Variants in TRPC4AP observed in about 807,000 individuals in gnomAD.
The protein encoded by TRPC4AP is short transient receptor potential channel 4-associated protein.
A neutral mutation model predicts 99.0 loss-of-function variants in TRPC4AP; 45 were observed. That is an observed-to-expected ratio of 0.45 (90% CI 0.36 to 0.58). The LOEUF (loss-of-function observed/expected upper bound fraction) is 0.58, where lower values mean the gene tolerates loss of function less well. TRPC4AP is among the 20% of genes least tolerant of loss of function. TRPC4AP has a pLI of 0.00. For synonymous variants in TRPC4AP, 408 were observed against 385.8 expected, an observed-to-expected ratio of 1.06 and a Z score of -0.67; for missense variants, 879 against 985.3, an observed-to-expected ratio of 0.89 and a Z score of 1.44.
intron 6 of TRPC4AP, among the ~76,000 whole-genome samples, chr20:35,046,853 T>C (rs2147367044): frequency 6.6e-6 from 1 of 152,208 alleles, no homozygotes; most frequent in Admixed American, 6.5e-5. Context: ...TTATGGTTTT[T>C]TGTTTTGTCT....
chr20:35,049,468 C>T (rs934139900), intron 6 of TRPC4AP, among the ~76,000 whole-genome samples: 6 of 112,604 alleles, frequency 5.3e-5, no homozygotes, highest in Non-Finnish European at 5.6e-5. Flanking sequence ...ATGAAGGCTT[C>T]ACACCAGTTC....
intron 3 of TRPC4AP, among the ~76,000 whole-genome samples, chr20:35,068,961 ACACACACACACAC>A (rs2084221458): frequency 2.5e-5 from 1 of 39,374 alleles, no homozygotes; most frequent in Non-Finnish European, 4.5e-5. Flanking sequence ...ACACACACAC[ACACACACACACAC>A]ACACAAAAAA....
At chr20:35,018,602 AAG>A (rs1251772149) in intron 9 of TRPC4AP, among the ~76,000 whole-genome samples, 27 of 125,176 alleles carry the variant, frequency 2.2e-4, no homozygotes, top group Admixed American at 4.2e-4. Context: ...GTCTCAAAAA[AAG>A]AAAAAAAAAA....
intron 8 of TRPC4AP, among the ~76,000 whole-genome samples, chr20:35,027,917 T>C (rs2083069472): frequency 6.6e-6 from 1 of 152,190 alleles, no homozygotes; most frequent in Admixed American, 6.5e-5. Flanking sequence ...TAAAAGTTTG[T>C]CAACTTTGTT....
At chr20:35,067,887 T>C (rs866259006) in intron 3 of TRPC4AP, among the ~76,000 whole-genome samples, 2 of 152,112 alleles carry the variant, frequency 1.3e-5, no homozygotes, top group South Asian at 2.1e-4. Flanking sequence ...ATAAAACACA[T>C]GGAGTTTCTT....
intron 14 of TRPC4AP, 74 bp downstream of exon 14, chr20:35,007,476 G>T: frequency 6.9e-7 from 1 of 1,449,018 alleles, no homozygotes; most frequent in Non-Finnish European, 9.7e-7. Flanking sequence ...ACTGTTTGGG[G>T]CTCAGGACAG....
At position 35,044,702 on chromosome 20, in the gene TRPC4AP, C is replaced by A; in HGVS notation, c.668G>T (p.Arg223Leu). The A allele has an allele frequency of 1.2e-6, 2 of 1,613,972 alleles. No individual in the cohort carries two copies. Among genetic ancestry groups the A allele is most frequent in the Non-Finnish European group, 1.7e-6 (2 of 1,179,918 alleles). Residue 223 changes from arginine (R) to leucine (L), a missense_variant, in exon 7 of 19, where the codon CGA becomes CTA. This residue lies in a region of TRPC4AP where 603 missense variants were observed against 631.8 expected (regional missense o/e 0.95). Coordinates refer to ENST00000252015, the MANE Select transcript of TRPC4AP (RefSeq NM_015638.3). ...ACTCAGATTGGGGACTTCATCTAGTCGGATCATTTCCTACAGAAGACAAAA... is the reference window on the plus strand; with the variant it reads ...ACTCAGATTGGGGACTTCATCTAGTAGGATCATTTCCTACAGAAGACAAAA... ...DILGVKKEMIRLDEVPNLSSL... is the reference protein window; with the variant it reads ...DILGVKKEMILLDEVPNLSSL...
At position 35,035,308 on chromosome 20, in the gene TRPC4AP, G is replaced by T; in HGVS notation, c.866C>A (p.Ala289Glu). ...LGPSAAEINQ[A>E]ALLSIPGFVE... ...AAAGCCAGGAATGCTGAGAAGGGCC[G>T]CTGCCAGGGAAAGAACAAGCGAGGA... is the stretch of plus-strand genomic sequence containing the variant. Residue 289 changes from alanine to glutamate, a missense_variant and splice_region_variant, in exon 8 of 19, where the codon GCG (alanine) becomes GAG (glutamate). This residue lies in a region of TRPC4AP where 603 missense variants were observed against 631.8 expected (regional missense o/e 0.95). Coordinates refer to ENST00000252015, the MANE Select transcript of TRPC4AP (RefSeq NM_015638.3). 1 of 1,612,344 alleles carries T rather than the reference G, an allele frequency of 6.2e-7. No homozygotes were observed. Among genetic ancestry groups the T allele is most frequent in the Non-Finnish European group, 8.5e-7 (1 of 1,179,118 alleles).
intron 1 of TRPC4AP, among the ~76,000 whole-genome samples, chr20:35,086,431 A>G (rs1030621337): frequency 7.7e-4 from 84 of 109,524 alleles, no homozygotes; most frequent in South Asian, 2.0e-3. Flanking sequence ...TGAATGGCAT[A>G]TGTGTGTGTG....
chr20:35,010,268 T>C lies in TRPC4AP; in HGVS notation c.1430A>G (p.Asn477Ser), dbSNP rs775157241. 7 of 1,614,014 alleles carry C rather than the reference T, an allele frequency of 4.3e-6. No individual in the cohort carries two copies. The highest frequency in any genetic ancestry group is 3.4e-6 in the Non-Finnish European group (4 of 1,180,014). The change falls in exon 12 of 19, where the codon AAC (asparagine) becomes AGC (serine). Residue 477 changes from asparagine to serine, a missense_variant. Transcript: ENST00000252015. ...ACTGAGTTCATTCAGCTCCTGGTTG[T>C]TGAGTAACAAGTACTTGTTCCTGAA... is the stretch of plus-strand genomic sequence containing the variant. ...DHHENKYLLL[N>S]NQELNELSAI...
chr20:35,059,683 GAA>G (rs2083930057), intron 3 of TRPC4AP, among the ~76,000 whole-genome samples: 6 of 149,842 alleles, frequency 4.0e-5, no homozygotes, highest in African/African-American at 2.5e-5. Context: ...AGAAGAAGAA[GAA>G]GGAAGAAGAA....
At chr20:35,069,961 G>C (rs2084260979) in intron 2 of TRPC4AP, among the ~76,000 whole-genome samples, 1 of 152,018 alleles carries the variant, frequency 6.6e-6, no homozygotes, top group Non-Finnish European at 1.5e-5. Context: ...TAAAAAGCCT[G>C]ACAGACTTCG....
At chr20:35,052,665 T>G (rs1210999024) in intron 5 of TRPC4AP, among the ~76,000 whole-genome samples, 1 of 152,126 alleles carries the variant, frequency 6.6e-6, no homozygotes, top group Non-Finnish European at 1.5e-5. Flanking sequence ...CTAATTTTTG[T>G]GTTTTTAGTA....
At chr20:35,041,850 T>G (rs2083452362) in intron 7 of TRPC4AP, among the ~76,000 whole-genome samples, 1 of 152,196 alleles carries the variant, frequency 6.6e-6, no homozygotes. Context: ...GATACTAATC[T>G]CTATTCCACA....
rs1407523386 is a variant in TRPC4AP, at chr20:35,034,017, C to T, written c.1051+1106G>A. 3.7e-5 allele frequency among the ~76,000 whole-genome samples: 2 copies of T among 53,530 alleles called. 1 individual carries two copies. Among genetic ancestry groups the T allele is most frequent in the Non-Finnish European group, 7.6e-5 (2 of 26,328 alleles). The allele number at this position is 53,530 out of a possible 152,430, so 35.1% of individuals were successfully genotyped here. A position where few individuals can be genotyped will look rare whatever the true frequency, so the allele number is the denominator to read the frequency against. Reference sequence around the variant, plus strand: ...AAAATTAGCCGGGCGCGGTGGCGGGCGCCTGTAGTCCCAGCTACTCGGGAG... The same window carrying T: ...AAAATTAGCCGGGCGCGGTGGCGGGTGCCTGTAGTCCCAGCTACTCGGGAG... On this transcript the variant is annotated intron_variant, in intron 8 of 18. Coordinates refer to ENST00000252015, the MANE Select transcript of TRPC4AP (RefSeq NM_015638.3).
At chr20:35,070,480 G>A (rs1370176999) in intron 2 of TRPC4AP, among the ~76,000 whole-genome samples, 1 of 151,392 alleles carries the variant, frequency 6.6e-6, no homozygotes, top group Admixed American at 6.6e-5. Flanking sequence ...GCGCGATCTC[G>A]GCTCACTGCA....
intron 9 of TRPC4AP, among the ~76,000 whole-genome samples, chr20:35,019,981 C>T (rs973970053): frequency 6.6e-6 from 1 of 152,186 alleles, no homozygotes; most frequent in African/African-American, 2.4e-5. Flanking sequence ...GCTCCTCCAC[C>T]CCTTACCTGC....
intron 1 of TRPC4AP, among the ~76,000 whole-genome samples, chr20:35,084,760 A>G (rs150291048): frequency 0.011 from 1,539 of 144,586 alleles, 59 homozygotes; most frequent in African/African-American, 0.032. Flanking sequence ...ATGCATATAT[A>G]TGTATATGTA....
chr20:35,026,389 A>T (rs1171024832), intron 8 of TRPC4AP, among the ~76,000 whole-genome samples: 5 of 152,038 alleles, frequency 3.3e-5, no homozygotes, highest in African/African-American at 7.2e-5. Flanking sequence ...TAATTTTTAA[A>T]TTTTTTATAG....
Sources: gnomAD v4.1 joint callset for allele counts (sites outside exome capture counted in the v4.1 genomes callset) on GRCh38, gnomAD v4.1.1 for gene constraint, gnomAD v4.1.1 regional missense constraint, MANE v1.5 for transcripts, NCBI Gene and HGNC (gene_info 2026-07-23, HGNC 2026-07-21) for gene names.